ATL2: variants seen among roughly 807,000 people sequenced by gnomAD.
The protein encoded by ATL2 is atlastin GTPase 2.
ATL2 carries 31 observed loss-of-function variants against 73.9 expected under a neutral mutation model. The observed-to-expected ratio is 0.42, with a 90% CI of 0.32 to 0.57. ATL2 has a LOEUF of 0.57. ATL2 is among the 20% of genes least tolerant of loss of function. The pLI, the probability that ATL2 is intolerant of heterozygous loss-of-function variation, is 0.14. For missense variants in ATL2, 738 were observed against 702.6 expected (o/e 1.05, Z -0.57); for synonymous variants, 291 against 237.5 (o/e 1.23, Z -2.07).
chr2:38,353,641 G>A (rs1207499870), intron 1 of ATL2, among the ~76,000 whole-genome samples: 1 of 152,130 alleles, frequency 6.6e-6, no homozygotes, highest in African/African-American at 2.4e-5. Context: ...CAGCCAGACT[G>A]CTAAAAACCA....
intron 1 of ATL2, among the ~76,000 whole-genome samples, chr2:38,375,463 A>G (rs1471798846): frequency 2.6e-5 from 4 of 152,240 alleles, no homozygotes; most frequent in Admixed American, 6.5e-5. Flanking sequence ...TTATTAAATA[A>G]TAAATGGTGG....
chr2:38,320,811 A>G (rs1452637646), intron 2 of ATL2, among the ~76,000 whole-genome samples: 1 of 152,134 alleles, frequency 6.6e-6, no homozygotes, highest in African/African-American at 2.4e-5. Flanking sequence ...GAAGCAATTT[A>G]TGAAAAGCAG....
chr2:38,334,615 T>C (rs1669196937), intron 2 of ATL2, among the ~76,000 whole-genome samples: 1 of 151,256 alleles, frequency 6.6e-6, no homozygotes, highest in Non-Finnish European at 1.5e-5. Flanking sequence ...GGAGAATTGC[T>C]TGAACCTGGG....
intron 1 of ATL2, among the ~76,000 whole-genome samples, chr2:38,360,325 G>A (rs991416550): frequency 6.7e-6 from 1 of 150,146 alleles, no homozygotes; most frequent in African/African-American, 2.5e-5. Context: ...TTGCTCTGAT[G>A]CCCAGGCTGC....
At chr2:38,336,295 T>C (rs912558578) in intron 2 of ATL2, among the ~76,000 whole-genome samples, 2 of 152,246 alleles carry the variant, frequency 1.3e-5, no homozygotes, top group African/African-American at 4.8e-5. Context: ...GATAGTTTTT[T>C]ACTCCTGGTC....
At chr2:38,299,743 A>G (rs559735100) in intron 10 of ATL2, among the ~76,000 whole-genome samples, 1 of 152,328 alleles carries the variant, frequency 6.6e-6, no homozygotes, top group South Asian at 2.1e-4. Flanking sequence ...ATCGGCAAAT[A>G]CTGTTTAATC....
chr2:38,301,922 A>T (rs1278160093), intron 9 of ATL2, among the ~76,000 whole-genome samples: 1 of 152,144 alleles, frequency 6.6e-6, no homozygotes, highest in Non-Finnish European at 1.5e-5. Flanking sequence ...TCTGAGAGAG[A>T]GTCTTTCCTT....
At chr2:38,375,094 TC>T (rs1353613884) in intron 1 of ATL2, among the ~76,000 whole-genome samples, 1 of 152,212 alleles carries the variant, frequency 6.6e-6, no homozygotes, top group Non-Finnish European at 1.5e-5. Context: ...TTTCTAAAGA[TC>T]CTACATTCCT....
At chr2:38,322,777 G>T (rs1668395541) in intron 2 of ATL2, among the ~76,000 whole-genome samples, 1 of 152,138 alleles carries the variant, frequency 6.6e-6, no homozygotes. Flanking sequence ...ACTTTGGGAG[G>T]CCAAGGCAGG....
chr2:38,352,366 G>A (rs1426322439), intron 1 of ATL2, among the ~76,000 whole-genome samples: 1 of 152,068 alleles, frequency 6.6e-6, no homozygotes, highest in Non-Finnish European at 1.5e-5. Flanking sequence ...TTCAAGCAAT[G>A]GACAACAAGT....
intron 1 of ATL2, chr2:38,354,067 C>A (rs555846960): frequency 5.9e-6 from 2 of 338,224 alleles, no homozygotes; most frequent in African/African-American, 2.3e-5. Context: ...TGGCACGCAC[C>A]TGTAATCCCA....
chr2:38,309,283 T>C, intron 9 of ATL2, 96 bp downstream of exon 9: 1 of 1,217,750 alleles, frequency 8.2e-7, no homozygotes, highest in Non-Finnish European at 1.1e-6. Flanking sequence ...CTCTTTTTTG[T>C]TTTAAAATAA....
rs376709238 is a variant in ATL2, at chr2:38,294,652, AAG to A, written c.*1340_*1341del. On this transcript the variant is annotated 3_prime_UTR_variant, in exon 13 of 13. Transcript: ENST00000378954. The stretch of plus-strand genomic sequence containing the variant: ...TTACATATACCACCAAAAAAAAAAA[AAG>A]AGAGAGAAAGAAATTAACAATCCCC... Among the ~76,000 whole-genome samples the A allele has an allele frequency of 1.3e-5, 2 of 151,088 alleles. No individual in the cohort carries two copies. The highest frequency in any genetic ancestry group is 2.4e-5 in the African/African-American group (1 of 40,948).
intron 1 of ATL2, among the ~76,000 whole-genome samples, chr2:38,373,838 C>G (rs987619496): frequency 3.9e-5 from 6 of 152,188 alleles, no homozygotes; most frequent in Non-Finnish European, 8.8e-5. Flanking sequence ...TCTATAATAT[C>G]TACCAAGTAT....
intron 1 of ATL2, among the ~76,000 whole-genome samples, chr2:38,360,651 T>G (rs1439746777): frequency 1.3e-5 from 2 of 152,096 alleles, no homozygotes; most frequent in Non-Finnish European, 2.9e-5. Context: ...GTCTCTTCAT[T>G]TTCTTCTACA....
intron 9 of ATL2, among the ~76,000 whole-genome samples, chr2:38,307,432 G>A (rs1425503500): frequency 6.6e-6 from 1 of 151,052 alleles, no homozygotes; most frequent in Non-Finnish European, 1.5e-5. Context: ...CTGGGAGGCG[G>A]ACGTTACAGC....
At chr2:38,308,937 AG>A (rs200909751) in intron 9 of ATL2, among the ~76,000 whole-genome samples, 2 of 151,412 alleles carry the variant, frequency 1.3e-5, no homozygotes, top group Admixed American at 1.3e-4. Context: ...AGAAGAACAG[AG>A]GGAAAAAAAA....
chr2:38,296,339 G>A (rs1666892540), intron 12 of ATL2: 7 of 1,453,200 alleles, frequency 4.8e-6, no homozygotes, highest in Admixed American at 2.7e-5. Flanking sequence ...CCTATGAGAT[G>A]GATGTGCAAT....
rs118078787 is a variant in ATL2, at chr2:38,358,534, C to T, written c.119-15022G>A. The T allele has an allele frequency of 3.7e-4, 120 of 327,358 alleles. 1 individual carries two copies. The East Asian group carries it at 0.011, about 31-fold the overall frequency. 20.3% of individuals were successfully genotyped at this position (327,358 alleles called of 1,614,324 possible). A position where few individuals can be genotyped will look rare whatever the true frequency, so the allele number is the denominator to read the frequency against. On this transcript the variant is annotated intron_variant, in intron 1 of 12. Coordinates refer to ENST00000378954, the MANE Select transcript of ATL2 (RefSeq NM_001135673.4). ...GGAAACCCCGTCTCTATTAAAAATACAAAAAAAGTAAGCCGGACACGGTGG... is the reference window on the plus strand; with the variant it reads ...GGAAACCCCGTCTCTATTAAAAATATAAAAAAAGTAAGCCGGACACGGTGG...
Sources: gnomAD v4.1 joint callset for allele counts (sites outside exome capture counted in the v4.1 genomes callset) on GRCh38, gnomAD v4.1.1 for gene constraint, MANE v1.5 for transcripts, NCBI Gene and HGNC (gene_info 2026-07-23, HGNC 2026-07-21) for gene names.